Variants in SHANK2 observed in about 807,000 individuals in gnomAD.
SHANK2 encodes SH3 and multiple ankyrin repeat domains 2.
In SHANK2, 43 loss-of-function variants were observed where a neutral mutation model predicts 133.7. That is an observed-to-expected ratio of 0.32 (90% CI 0.25 to 0.41). The LOEUF is 0.41. Among genes scored for constraint, SHANK2 ranks in the 10% least tolerant of loss-of-function variants. The probability of loss-of-function intolerance (pLI) is 1.00; values close to 1 mark genes in which losing one functional copy is unlikely to be tolerated. For synonymous variants in SHANK2, 1,017 were observed against 952.8 expected (o/e 1.07, Z -1.24); for missense variants, 1,994 against 2,235.8 (o/e 0.89, Z 2.18).
intron 2 of SHANK2, among the ~76,000 whole-genome samples, chr11:71,220,381 A>G (rs555523374): frequency 1.3e-5 from 2 of 152,190 alleles, no homozygotes; most frequent in Non-Finnish European, 2.9e-5. Context: ...TTCTCCAAAA[A>G]CTAAACATAA....
chr11:70,632,125 T>A (rs2060999532), intron 17 of SHANK2, among the ~76,000 whole-genome samples: 1 of 151,926 alleles, frequency 6.6e-6, no homozygotes, highest in Admixed American at 6.5e-5. Context: ...TGAGCGGACA[T>A]TTTTGTTTTT....
chr11:70,489,203 A>T, intron 24 of SHANK2, 125 bp downstream of exon 24: 1 of 924,644 alleles, frequency 1.1e-6, no homozygotes, highest in East Asian at 2.4e-5. Context: ...TTCTCCATTG[A>T]CCAGTCACTC....
chr11:70,673,457 G>A (rs74471981), intron 15 of SHANK2, among the ~76,000 whole-genome samples: 5,910 of 152,340 alleles, frequency 0.039, 389 homozygotes, highest in African/African-American at 0.13. Context: ...ATGCTGGCGG[G>A]CCATGGGACA....
At chr11:71,095,068 G>A (rs1555095088) in intron 6 of SHANK2, among the ~76,000 whole-genome samples, 2 of 152,216 alleles carry the variant, frequency 1.3e-5, no homozygotes, top group South Asian at 2.1e-4. Flanking sequence ...ATTAGAGATG[G>A]GAAAGGCAGA....
chr11:70,640,679 G>A (rs2061167163), intron 17 of SHANK2, among the ~76,000 whole-genome samples: 1 of 152,260 alleles, frequency 6.6e-6, no homozygotes, highest in African/African-American at 2.4e-5. Flanking sequence ...TGGGGTAGGA[G>A]GGGCGCATGC....
chr11:70,926,460 T>C (rs545752493), intron 10 of SHANK2, among the ~76,000 whole-genome samples: 1 of 152,194 alleles, frequency 6.6e-6, no homozygotes, highest in East Asian at 1.9e-4. Context: ...AAATGGTGCA[T>C]TCACGGCCAA....
chr11:70,512,603 A>G (rs1040154433), intron 17 of SHANK2, among the ~76,000 whole-genome samples: 15 of 152,246 alleles, frequency 9.9e-5, no homozygotes, highest in African/African-American at 3.1e-4. Flanking sequence ...ATCTCTTTTC[A>G]GAGTCTTCAA....
At chr11:70,593,437 C>T (rs1264199477) in intron 17 of SHANK2, among the ~76,000 whole-genome samples, 1 of 152,200 alleles carries the variant, frequency 6.6e-6, no homozygotes, top group East Asian at 1.9e-4. Context: ...AGAGCTCTTA[C>T]ACCAAAGTGG....
intron 18 of SHANK2, among the ~76,000 whole-genome samples, chr11:70,502,509 G>A (rs2059070150): frequency 6.6e-6 from 1 of 152,304 alleles, no homozygotes; most frequent in African/African-American, 2.4e-5. Context: ...GGCCTGGGCA[G>A]GGGGAGGGAG....
chr11:70,496,468 G>A (rs1049714326), intron 21 of SHANK2, among the ~76,000 whole-genome samples: 6 of 152,190 alleles, frequency 3.9e-5, no homozygotes, highest in African/African-American at 7.2e-5. Context: ...CAGGGCCTGC[G>A]GCAGGCATCT....
intron 21 of SHANK2, 139 bp from the exon 22 acceptor site, chr11:70,492,604 CG>C: frequency 2.7e-6 from 3 of 1,127,296 alleles, no homozygotes; most frequent in Non-Finnish European, 3.9e-6. Flanking sequence ...GAGGAGCATG[CG>C]TGTGCCTCTG....
At chr11:70,600,684 G>A (rs1371648776) in intron 17 of SHANK2, among the ~76,000 whole-genome samples, 5 of 152,086 alleles carry the variant, frequency 3.3e-5, no homozygotes, top group African/African-American at 7.2e-5. Context: ...GGAAGATCTT[G>A]GAGAAAAGTG....
intron 17 of SHANK2, among the ~76,000 whole-genome samples, chr11:70,560,672 C>T (rs2059898732): frequency 1.3e-5 from 2 of 151,602 alleles, no homozygotes; most frequent in African/African-American, 4.8e-5. Context: ...TGCTCTGTCA[C>T]CCAGGCTGGA....
At chr11:70,948,261 CCGA>C (rs1555085824) in intron 10 of SHANK2, 2 of 456,894 alleles carry the variant, frequency 4.4e-6, no homozygotes, top group Admixed American at 2.3e-5. Context: ...TTTACCAACC[CCGA>C]CATGTTGCAC....
intron 21 of SHANK2, among the ~76,000 whole-genome samples, chr11:70,493,370 C>A (rs1194095353): frequency 2.9e-5 from 4 of 136,232 alleles, no homozygotes; most frequent in African/African-American, 1.1e-4. Context: ...TTCCCATTTC[C>A]TTTAAAAAAA....
At chr11:70,880,200 G>A (rs182015234) in intron 11 of SHANK2, among the ~76,000 whole-genome samples, 80 of 152,328 alleles carry the variant, frequency 5.3e-4, no homozygotes, top group Admixed American at 1.1e-3. Context: ...TGAGCTTCCT[G>A]GTTAGCCTGG....
Position 71,117,849 on chromosome 11 carries a change from T to C in SHANK2, c.411+980A>G, listed in dbSNP as rs183288215. 2.1e-3 allele frequency among the ~76,000 whole-genome samples: 321 copies of C among 152,274 alleles called. 1 individual carries two copies. The highest frequency in any genetic ancestry group is 3.6e-3 in the Admixed American group (55 of 15,300). ...AGTTAAAATGCCTTCTTAGGTTCTCTGAGCTGCTCCAGCAAGGGATGGAAC... is the reference window on the plus strand; with the variant it reads ...AGTTAAAATGCCTTCTTAGGTTCTCCGAGCTGCTCCAGCAAGGGATGGAAC... On this transcript the variant is annotated intron_variant, in intron 4 of 25. Coordinates refer to ENST00000601538, the MANE Select transcript of SHANK2 (RefSeq NM_012309.5).
chr11:71,148,681 A>G (rs1555107257), intron 2 of SHANK2, among the ~76,000 whole-genome samples: 3 of 152,132 alleles, frequency 2.0e-5, no homozygotes, highest in Non-Finnish European at 4.4e-5. Context: ...TTGTTTAGGG[A>G]CCCCTTGATC....
chr11:70,608,804 C>A lies in SHANK2; in HGVS notation c.2061+51024G>T, dbSNP rs559579299. Among the ~76,000 whole-genome samples the A allele has an allele frequency of 4.6e-5, 7 of 152,352 alleles. No homozygotes were observed. In the East Asian group the frequency reaches 1.3e-3, roughly 29 times the overall value. On this transcript the variant is annotated intron_variant, in intron 17 of 25. Transcript: ENST00000601538. ...CAGAGAATTGATCTCAAATTACAAA[C>A]CTCTCAGCTAAACGCGGTCTATTAC...
Sources: allele counts gnomAD v4.1 joint callset (sites outside exome capture counted in the v4.1 genomes callset), GRCh38; gene constraint gnomAD v4.1.1; transcripts MANE v1.5; gene names NCBI Gene and HGNC (gene_info 2026-07-23, HGNC 2026-07-21).